CD36: variants seen among roughly 807,000 people sequenced by gnomAD.
CD36 encodes the protein platelet glycoprotein 4.
In CD36, 119 loss-of-function variants were observed where a neutral mutation model predicts 55.2. The observed-to-expected ratio is 2.15, with a 90% confidence interval of 1.86 to 2.51. CD36 has a LOEUF of 2.51. Ranked by LOEUF, CD36 falls within the 30% of genes most tolerant of loss-of-function variation. The probability of loss-of-function intolerance (pLI) is 0.00; values close to 1 mark genes in which losing one functional copy is unlikely to be tolerated. For missense variants in CD36, 819 were observed against 555.5 expected, an observed-to-expected ratio of 1.47 and a Z score of -4.77; for synonymous variants, 186 against 193.6, an observed-to-expected ratio of 0.96 and a Z score of 0.33.
intron 13 of CD36, 196 bp from the exon 14 acceptor site, chr7:80,673,787 A>G: frequency 1.6e-6 from 1 of 610,586 alleles, no homozygotes; most frequent in Non-Finnish European, 2.9e-6. Flanking sequence ...GAATCCTAGT[A>G]CATTGAAGAG....
In CD36 at chr7:80,671,039, T is replaced by C. The variant is rs1471148652; in HGVS notation, c.881T>C (p.Val294Ala). Residue 294 changes from valine (V) to alanine (A), a missense_variant, in exon 10 of 15, where the codon GTT becomes GCT. By Grantham distance (64) the Val-to-Ala change is moderately conservative. Transcript: ENST00000447544. Reference protein sequence around the residue: ...NLKGIPVYRFVLPSKAFASPV... With the variant: ...NLKGIPVYRFALPSKAFASPV... ...AAAGGAATCCCTGTGTATAGATTTG[T>C]TCTTCCATCCAAGGCCTTTGCCTCT... The C allele has an allele frequency of 6.2e-7, 1 of 1,613,206 alleles. No individual in the cohort carries two copies. Among genetic ancestry groups the C allele is most frequent in the Admixed American group, 1.7e-5 (1 of 60,014 alleles).
intron 1 of CD36, among the ~76,000 whole-genome samples, chr7:80,644,577 CT>C (rs1435615580): frequency 6.6e-6 from 1 of 152,098 alleles, no homozygotes; most frequent in Non-Finnish European, 1.5e-5. Flanking sequence ...ATATCATTTT[CT>C]TATTCTTTTC....
chr7:80,661,377 T>C (rs1467224482), intron 5 of CD36, among the ~76,000 whole-genome samples, 167 bp downstream of exon 5: 1 of 152,214 alleles, frequency 6.6e-6, no homozygotes, highest in African/African-American at 2.4e-5. Flanking sequence ...AGTGACAAAA[T>C]CATAAGAATC....
At chr7:80,617,584 G>A (rs755553390) in intron 1 of CD36, among the ~76,000 whole-genome samples, 6 of 151,964 alleles carry the variant, frequency 3.9e-5, no homozygotes, top group South Asian at 2.1e-4. Context: ...TAAATTAGCC[G>A]GGCATGGTGG....
At position 80,672,717 on chromosome 7, in the gene CD36, GTATAAAA is replaced by G. The variant is rs1387550649; in HGVS notation, c.1126-50_1126-44del. Reference sequence around the variant, plus strand: ...CTGTAAGAAAAATAAGTTTTGAATAGTATAAAATAATGTTTTTAAAAGTTGGTAATTA... The same window carrying G: ...CTGTAAGAAAAATAAGTTTTGAATAGTAATGTTTTTAAAAGTTGGTAATTA... On this transcript the variant is annotated intron_variant, in intron 11 of 14. Transcript: ENST00000447544. 3 of 1,239,976 alleles carry G rather than the reference GTATAAAA, an allele frequency of 2.4e-6. No homozygotes were observed. The African/African-American group carries it at 4.5e-5, about 19-fold the overall frequency. 76.8% of individuals were successfully genotyped at this position (1,239,976 alleles called of 1,614,324 possible).
At chr7:80,632,852 T>C (rs1794165383) in intron 1 of CD36, among the ~76,000 whole-genome samples, 1 of 151,978 alleles carries the variant, frequency 6.6e-6, no homozygotes, top group Admixed American at 6.6e-5. Flanking sequence ...ATTATAATAT[T>C]TCTCAGAACT....
intron 3 of CD36, among the ~76,000 whole-genome samples, chr7:80,654,368 T>C (rs1795857521): frequency 6.6e-6 from 1 of 152,168 alleles, no homozygotes; most frequent in African/African-American, 2.4e-5. Flanking sequence ...TGTACAAACC[T>C]AATATGTACC....
At chr7:80,646,947 C>A (rs1795214638) in intron 3 of CD36, 87 bp downstream of exon 3, 1 of 1,412,560 alleles carries the variant, frequency 7.1e-7, no homozygotes, top group Admixed American at 1.7e-5. Flanking sequence ...CTTTATATTT[C>A]ATGGTAACTG....
In CD36 at chr7:80,674,055, CT is replaced by C. The variant is rs1325671633; in HGVS notation, c.1328del (p.Leu443ArgfsTer2). The C allele has an allele frequency of 1.2e-6, 2 of 1,611,814 alleles. No homozygotes were observed. Among genetic ancestry groups the C allele is most frequent in the African/African-American group, 1.3e-5 (1 of 74,796 alleles). On this transcript the variant is annotated frameshift_variant, in exon 14 of 15. Transcript: ENST00000447544. LOFTEE classifies it high-confidence loss of function. ...AACTGGAAAAATAAACCTCCTTGGC[CT>C]GATAGAAATGATCTTACTCAGTGTT... ...QVTGKINLLG[L>X]IEMILLSVGV...
At chr7:80,605,357 T>C (rs1792484030) in intron 1 of CD36, among the ~76,000 whole-genome samples, 1 of 152,178 alleles carries the variant, frequency 6.6e-6, no homozygotes, top group Non-Finnish European at 1.5e-5. Context: ...CTTGTTCATA[T>C]AGAATGAAAC....
In CD36 at chr7:80,678,964, T is replaced by G. The variant is rs1431691252; in HGVS notation, c.*2581T>G. The G allele has an allele frequency of 6.6e-6, 1 of 152,244 alleles. No individual in the cohort carries two copies. Among genetic ancestry groups the G allele is most frequent in the African/African-American group, 2.4e-5 (1 of 41,462 alleles). The allele number at this position is 152,244 out of a possible 1,614,324, so 9.4% of individuals were successfully genotyped here. A position where few individuals can be genotyped will look rare whatever the true frequency, so the allele number is the denominator to read the frequency against. ...GTACCAACTGACATTTCAGTTTTTC[T>G]GTTTGAAGTCCAATGTATTAGTGAC... On this transcript the variant is annotated 3_prime_UTR_variant, in exon 15 of 15. Coordinates refer to ENST00000447544, the MANE Select transcript of CD36 (RefSeq NM_001001548.3).
intron 3 of CD36, among the ~76,000 whole-genome samples, chr7:80,654,109 ATTTT>A (rs763283843): frequency 2.0e-5 from 3 of 152,100 alleles, no homozygotes; most frequent in Admixed American, 6.6e-5. Flanking sequence ...CGCTAGAGAT[ATTTT>A]TTAAGGGAAA....
At chr7:80,632,409 G>A (rs924369208) in intron 1 of CD36, among the ~76,000 whole-genome samples, 7 of 151,956 alleles carry the variant, frequency 4.6e-5, no homozygotes, top group East Asian at 1.9e-4. Context: ...CCTGGAAAAC[G>A]TTTGTGTGTG....
chr7:80,616,536 T>A (rs1793169062), intron 1 of CD36, among the ~76,000 whole-genome samples: 1 of 151,912 alleles, frequency 6.6e-6, no homozygotes, highest in African/African-American at 2.4e-5. Flanking sequence ...TTAAAGTGAT[T>A]TCTCTAGAGG....
rs1562801428 is a variant in CD36, at chr7:80,656,537, TA to T, written c.121-2del. The T allele has an allele frequency of 6.2e-7, 1 of 1,613,258 alleles. No homozygotes were observed. Among genetic ancestry groups the T allele is most frequent in the South Asian group, 1.1e-5 (1 of 91,056 alleles). On this transcript the variant is annotated splice_acceptor_variant, in intron 3 of 14. Coordinates refer to ENST00000447544, the MANE Select transcript of CD36 (RefSeq NM_001001548.3). LOFTEE classifies it high-confidence loss of function. ...TAACCCAAACTTATTTTCTTTTTCA[TA>T]GCAAGTTGTCCTCGAAGAAGGTACA...
chr7:80,608,531 A>T (rs1378779097), intron 1 of CD36, among the ~76,000 whole-genome samples: 1 of 152,232 alleles, frequency 6.6e-6, no homozygotes, highest in Non-Finnish European at 1.5e-5. Flanking sequence ...AGTGTCTTGC[A>T]TATGGTAAGT....
rs1308781352 is a variant in CD36 at position 80,604,305 on chromosome 7, T to G, written c.-184+1926T>G. ...AATATAGTTGAGTAAATAGTTTTAG[T>G]GTTCTGTTGTATATAGAAGTACAGT... On this transcript the variant is annotated intron_variant, in intron 1 of 13. Transcript: ENST00000309881. Among the ~76,000 whole-genome samples the G allele has an allele frequency of 6.0e-5, 9 of 150,116 alleles. No homozygotes were observed. The Admixed American group carries it at 6.0e-4, about 10-fold the overall frequency.
chr7:80,659,886 A>G (rs1796390879), intron 4 of CD36, among the ~76,000 whole-genome samples: 1 of 152,074 alleles, frequency 6.6e-6, no homozygotes, highest in Non-Finnish European at 1.5e-5. Context: ...AATTATATTA[A>G]AAATATATTT....
chr7:80,674,121 G>T lies in CD36; in HGVS notation c.1393G>T (p.Ala465Ser), dbSNP rs138597844. 25 of 1,611,902 alleles carry T rather than the reference G, an allele frequency of 1.6e-5. No individual in the cohort carries two copies. The highest frequency in any genetic ancestry group is 2.0e-5 in the Non-Finnish European group (23 of 1,178,674). The change falls in exon 14 of 15, where the codon GCA (alanine) becomes TCA (serine). Residue 465 changes from alanine (A) to serine (S), a missense_variant. Coordinates refer to ENST00000447544, the MANE Select transcript of CD36 (RefSeq NM_001001548.3). ...MFVAFMISYC[A>S]CRSKTIK Reference sequence around the variant, plus strand: ...TGTTGCTTTTATGATTTCATATTGTGCATGCAGATCGAAAACAATAAAATA... The same window carrying T: ...TGTTGCTTTTATGATTTCATATTGTTCATGCAGATCGAAAACAATAAAATA...
Sources: allele counts gnomAD v4.1 joint callset (sites outside exome capture counted in the v4.1 genomes callset), GRCh38; gene constraint gnomAD v4.1.1; transcripts MANE v1.5; gene names NCBI Gene and HGNC (gene_info 2026-07-23, HGNC 2026-07-21).